The following HDGFL2 variants were observed in gnomAD, a reference collection of about 807,000 sequenced individuals.
HDGFL2 encodes HDGF like 2, also known as hepatoma-derived growth factor-related protein 2.
A neutral mutation model predicts 77.1 loss-of-function variants in HDGFL2; 36 were observed. That is an observed-to-expected ratio of 0.47 (90% confidence interval 0.36 to 0.62). The LOEUF (loss-of-function observed/expected upper bound fraction) is 0.62, where lower values mean the gene tolerates loss of function less well. Among genes scored for constraint, HDGFL2 ranks in the 20% least tolerant of loss-of-function variants. The probability of loss-of-function intolerance (pLI) is 0.00; values close to 1 mark genes in which losing one functional copy is unlikely to be tolerated. For missense variants in HDGFL2, 976 were observed against 973.4 expected (o/e 1.00, Z -0.04); for synonymous variants, 463 against 413.1 (o/e 1.12, Z -1.46).
At chr19:4,500,249 C>T (rs543009887) in intron 14 of HDGFL2, among the ~76,000 whole-genome samples, 38 of 152,204 alleles carry the variant, frequency 2.5e-4, no homozygotes, top group African/African-American at 7.2e-4. Flanking sequence ...TGGGGCTTTG[C>T]GGCCCAGGGG....
chr19:4,485,640 G>T (rs1399167696), intron 3 of HDGFL2, among the ~76,000 whole-genome samples: 4 of 151,972 alleles, frequency 2.6e-5, no homozygotes, highest in Non-Finnish European at 5.9e-5. Context: ...TACTTGGGAG[G>T]CTGAGGCAGG....
intron 1 of HDGFL2, among the ~76,000 whole-genome samples, chr19:4,474,137 G>A (rs1440770159): frequency 6.6e-6 from 1 of 152,060 alleles, no homozygotes; most frequent in East Asian, 1.9e-4. Flanking sequence ...GAGTCTCCCA[G>A]GGCTGAGGTT....
intron 4 of HDGFL2, among the ~76,000 whole-genome samples, chr19:4,491,261 A>ACCCCCCCC (rs1568211761): frequency 5.7e-4 from 13 of 22,700 alleles, no homozygotes; most frequent in Admixed American, 9.1e-4. Flanking sequence ...CCACCCCCCC[A>ACCCCCCCC]CCCCCCCACC....
At chr19:4,496,509 G>T in intron 10 of HDGFL2, 104 bp downstream of exon 10, 1 of 860,734 alleles carries the variant, frequency 1.2e-6, no homozygotes, top group Non-Finnish European at 1.9e-6. Context: ...GTTCAGCCTT[G>T]GAGCCGGACC....
Position 4,501,230 on chromosome 19 carries a change from A to C in HDGFL2, c.1829A>C (p.Lys610Thr). ...APVNGEATSQ[K>T]GESAEDKEHE... is the part of the protein sequence containing the mutation. ...GTGAATGGCGAGGCCACATCACAGA[A>C]GGGGGAGAGCGCAGAGGACAAGGAG... Residue 610 changes from lysine (K) to threonine (T), a missense_variant, in exon 15 of 16, where the codon AAG (lysine) becomes ACG (threonine). Transcript: ENST00000616600. 6.2e-7 allele frequency: 1 copy of C among 1,613,680 alleles called. No homozygotes were observed. The highest frequency in any genetic ancestry group is 8.5e-7 in the Non-Finnish European group (1 of 1,179,958).
chr19:4,472,452 G>T (rs1448551651), intron 1 of HDGFL2, 30 bp downstream of exon 1: 13 of 264,130 alleles, frequency 4.9e-5, no homozygotes, highest in Non-Finnish European at 5.4e-5. Flanking sequence ...GGGGCCGGTG[G>T]GGGGGGGGGG....
chr19:4,500,641 T>G (rs1975843126), intron 14 of HDGFL2, among the ~76,000 whole-genome samples: 2 of 152,116 alleles, frequency 1.3e-5, no homozygotes, highest in African/African-American at 4.8e-5. Flanking sequence ...TTTGTATTTT[T>G]TAGTAGAGAT....
At chr19:4,492,690 G>T (rs893461865) in intron 6 of HDGFL2, among the ~76,000 whole-genome samples, 1 of 149,934 alleles carries the variant, frequency 6.7e-6, no homozygotes. Flanking sequence ...TGTCTGTGGT[G>T]TGTGGTATGT....
At chr19:4,479,320 A>G (rs2145159973) in intron 3 of HDGFL2, among the ~76,000 whole-genome samples, 1 of 152,030 alleles carries the variant, frequency 6.6e-6, no homozygotes, top group Non-Finnish European at 1.5e-5. Flanking sequence ...GCCGTGGCTC[A>G]TGCCTGTAAT....
intron 3 of HDGFL2, among the ~76,000 whole-genome samples, chr19:4,482,886 T>C (rs1415797124): frequency 6.6e-6 from 1 of 151,882 alleles, no homozygotes; most frequent in Non-Finnish European, 1.5e-5. Context: ...CTGTGGAAGA[T>C]CCTGGGGCAT....
intron 4 of HDGFL2, 50 bp from the exon 5 acceptor site, chr19:4,491,516 C>CAGG: frequency 6.5e-7 from 1 of 1,546,454 alleles, no homozygotes; most frequent in East Asian, 2.2e-5. Flanking sequence ...GGCTTCCTGC[C>CAGG]AGGAGCCCGG....
intron 1 of HDGFL2, among the ~76,000 whole-genome samples, chr19:4,473,848 G>A (rs959190540): frequency 6.6e-6 from 1 of 152,004 alleles, no homozygotes; most frequent in Non-Finnish European, 1.5e-5. Flanking sequence ...AGGGACTTGA[G>A]GGTGGGGTGG....
At chr19:4,479,926 T>A (rs999242168) in intron 3 of HDGFL2, among the ~76,000 whole-genome samples, 1 of 145,718 alleles carries the variant, frequency 6.9e-6, no homozygotes, top group African/African-American at 2.6e-5. Flanking sequence ...AAAAAAAAAA[T>A]TTGCTTAGAT....
intron 3 of HDGFL2, among the ~76,000 whole-genome samples, chr19:4,484,602 C>T (rs1261910995): frequency 6.6e-6 from 1 of 151,454 alleles, no homozygotes; most frequent in Non-Finnish European, 1.5e-5. Context: ...CGGGTTCACA[C>T]CATTCTCCTG....
Position 4,494,348 on chromosome 19 carries a change from G to A in HDGFL2, c.1097G>A (p.Ser366Asn). Residue 366 changes from serine (S) to asparagine (N), a missense_variant, in exon 9 of 16, where the codon AGC becomes AAC. Around this residue, in one of 5 missense-constraint regions of HDGFL2, gnomAD observed 567 missense variants for 534.7 expected, o/e 1.06. Transcript: ENST00000616600. ...RADRGEAERG[S>N]GGSSGDELRE... Reference sequence around the variant, plus strand: ...GACCGCGGGGAGGCTGAGCGGGGCAGCGGCGGCAGCAGCGGGGACGAGCTC... The same window carrying A: ...GACCGCGGGGAGGCTGAGCGGGGCAACGGCGGCAGCAGCGGGGACGAGCTC... The A allele has an allele frequency of 7.1e-7, 1 of 1,408,910 alleles. No homozygotes were observed. The highest frequency in any genetic ancestry group is 9.2e-7 in the Non-Finnish European group (1 of 1,085,956). The allele number at this position is 1,408,910 out of a possible 1,614,324, so 87.3% of individuals were successfully genotyped here. A position where few individuals can be genotyped will look rare whatever the true frequency, so the allele number is the denominator to read the frequency against.
chr19:4,475,609 T>G (rs3816048), intron 3 of HDGFL2, 26 bp downstream of exon 3: 1 of 1,551,014 alleles, frequency 6.4e-7, no homozygotes, highest in African/African-American at 1.4e-5. Flanking sequence ...GGAGAGCCAG[T>G]GTGAAGCGCG....
At position 4,491,818 on chromosome 19, in the gene HDGFL2, G is replaced by C. The variant is rs745503167; in HGVS notation, c.661G>C (p.Gly221Arg). ...AVRAPRRGPL[G>R]GRKKKKAPSA... ...CCGGGCGCCACGGAGGGGCCCTCTG[G>C]GGGGACGGAAAAAAAAGGTAGCGTG... Residue 221 changes from glycine to arginine, a missense_variant, in exon 6 of 16, where the codon GGG becomes CGG. By Grantham distance (125) the Gly-to-Arg change is moderately radical. This residue lies in a region of HDGFL2 where 567 missense variants were observed against 534.7 expected (regional missense o/e 1.06). Transcript: ENST00000616600. 19 of 1,613,848 alleles carry C rather than the reference G, an allele frequency of 1.2e-5. No homozygotes were observed. Among genetic ancestry groups the C allele is most frequent in the Admixed American group, 5.0e-5 (3 of 60,000 alleles).
At chr19:4,486,368 T>C (rs1484437729) in intron 3 of HDGFL2, 4 of 151,904 alleles carry the variant, frequency 2.6e-5, no homozygotes, top group African/African-American at 9.7e-5. Context: ...TCATGATGTT[T>C]GTTGGAGGAC....
At chr19:4,491,283 C>G (rs1337279590) in intron 4 of HDGFL2, among the ~76,000 whole-genome samples, 24 of 128,392 alleles carry the variant, frequency 1.9e-4, no homozygotes, top group African/African-American at 6.3e-4. Context: ...CCCCACCCCC[C>G]CCGGCGCAGC....
Sources: gnomAD v4.1 joint callset for allele counts (sites outside exome capture counted in the v4.1 genomes callset) on GRCh38, gnomAD v4.1.1 for gene constraint, gnomAD v4.1.1 regional missense constraint, MANE v1.5 for transcripts, NCBI Gene and HGNC (gene_info 2026-07-23, HGNC 2026-07-21) for gene names.